Variants in VWF observed in about 807,000 individuals in gnomAD.
VWF encodes Factor VIII related antigen.
VWF carries 176 observed loss-of-function variants against 308.6 expected under a neutral mutation model. That is an observed-to-expected ratio of 0.57 (90% confidence interval 0.50 to 0.65). The LOEUF (loss-of-function observed/expected upper bound fraction) is 0.65. Among genes scored for constraint, VWF ranks in the 30% least tolerant of loss-of-function variants. The pLI is 0.00. For missense variants in VWF, 3,146 were observed against 3,648.2 expected (o/e 0.86, Z 3.55); for synonymous variants, 1,385 against 1,443.4 (o/e 0.96, Z 0.92).
Position 5,985,738 on chromosome 12 carries a change from C to G in VWF, c.6799-73G>C, listed in dbSNP as rs963351811. ...GAAGCCCAGAATTCACAGAGGTCAG[C>G]TCTCCCTGCCTCCGGCAAGGGCCAG... On this transcript the variant is annotated intron_variant, in intron 38 of 51. Coordinates refer to ENST00000261405, the MANE Select transcript of VWF (RefSeq NM_000552.5). 2.8e-6 allele frequency: 4 copies of G among 1,413,626 alleles called. No homozygotes were observed. The African/African-American group carries it at 5.7e-5, about 20-fold the overall frequency. 87.6% of individuals were successfully genotyped at this position (1,413,626 alleles called of 1,614,324 possible).
chr12:6,057,762 T>G, intron 14 of VWF, 87 bp downstream of exon 14: 2 of 1,444,354 alleles, frequency 1.4e-6, no homozygotes, highest in Non-Finnish European at 9.2e-7. Context: ...CCCTCCGCGG[T>G]GGGAGCACTG....
At position 6,057,850 on chromosome 12, in the gene VWF, C is replaced by T; in HGVS notation, c.1728G>A (p.Met576Ile). 1 of 1,606,346 alleles carries T rather than the reference C, an allele frequency of 6.2e-7. No homozygotes were observed. The highest frequency in any genetic ancestry group is 8.5e-7 in the Non-Finnish European group (1 of 1,176,160). ...TGCCTTGCCCCCGGGTTCACATACT[C>T]ATGCGCGGGTTGAGGGCGCAGGGAT... ...HSDPCALNPR[M>I]TRFSEEACAV... The change falls in exon 14 of 52, where the codon ATG becomes ATA. Residue 576 changes from methionine (M) to isoleucine (I), a missense_variant and splice_region_variant. Around this residue, in one of 3 missense-constraint regions of VWF, gnomAD observed 1,304 missense variants for 1,353.0 expected, o/e 0.96. Transcript: ENST00000261405.
intron 4 of VWF, 21 bp downstream of exon 4, chr12:6,110,845 A>T (rs1945300120): frequency 1.9e-6 from 3 of 1,611,140 alleles, no homozygotes; most frequent in Non-Finnish European, 2.5e-6. Context: ...GTCCTTTCTA[A>T]CTCAGACATT....
At chr12:6,035,350 T>C (rs1002899282) in intron 19 of VWF, among the ~76,000 whole-genome samples, 5 of 152,212 alleles carry the variant, frequency 3.3e-5, no homozygotes, top group African/African-American at 1.2e-4. Flanking sequence ...TGTATGTAGC[T>C]ACATGTTAAA....
At chr12:6,047,705 C>T (rs1258338581) in intron 16 of VWF, among the ~76,000 whole-genome samples, 4 of 152,250 alleles carry the variant, frequency 2.6e-5, no homozygotes, top group African/African-American at 9.6e-5. Context: ...AATGATATCA[C>T]ATAGCATGCT....
intron 17 of VWF, among the ~76,000 whole-genome samples, chr12:6,045,285 A>C (rs1944436196): frequency 6.6e-6 from 1 of 152,244 alleles, no homozygotes; most frequent in African/African-American, 2.4e-5. Context: ...TCCTCTGGGC[A>C]AAACAGTCAA....
chr12:6,041,283 A>G (rs1403136674), intron 18 of VWF, among the ~76,000 whole-genome samples: 5 of 151,666 alleles, frequency 3.3e-5, no homozygotes, highest in African/African-American at 1.2e-4. Context: ...TACAAAAATC[A>G]GCTGGGTGTG....
chr12:6,065,190 G>GC lies in VWF; in HGVS notation c.1239dup (p.Leu414AlafsTer15), dbSNP rs770203987. The GC allele has an allele frequency of 1.2e-6, 2 of 1,614,098 alleles. No homozygotes were observed. Among genetic ancestry groups the GC allele is most frequent in the Non-Finnish European group, 1.7e-6 (2 of 1,180,050 alleles). ...GAGTGGTCCTGGCAATCCCGGGCCA[G>GC]CAGGTACTGGCAGATCCCACTGAAG... On this transcript the variant is annotated frameshift_variant, in exon 11 of 52. Transcript: ENST00000261405. LOFTEE classifies it high-confidence loss of function.
intron 19 of VWF, 59 bp downstream of exon 19, chr12:6,036,329 G>A: frequency 1.3e-6 from 2 of 1,517,690 alleles, no homozygotes; most frequent in East Asian, 2.3e-5. Flanking sequence ...GTGGCCGCGT[G>A]CACCCTCACT....
intron 10 of VWF, among the ~76,000 whole-genome samples, chr12:6,067,859 C>T (rs1157944005): frequency 3.9e-5 from 6 of 152,068 alleles, no homozygotes; most frequent in Admixed American, 6.5e-5. Context: ...CAGGCCGGGC[C>T]GTCATGGCTC....
chr12:6,038,134 T>G (rs1199528878), intron 18 of VWF, among the ~76,000 whole-genome samples: 2 of 152,116 alleles, frequency 1.3e-5, no homozygotes, highest in Admixed American at 1.3e-4. Context: ...GGCACCTTGG[T>G]AGGAGCTGGC....
rs1227599775 is a variant in VWF, at chr12:6,075,196, C to T, written c.874+139G>A. ...CCATTCAGGAAATGGGTCCGGGACA[C>T]GTGGCTTTGTAGTCACTGGCTGGCT... On this transcript the variant is annotated intron_variant, in intron 7 of 51. Transcript: ENST00000261405. The surrounding 1 kb of genome is among the most constrained non-coding windows in gnomAD (Gnocchi z 4.7). 11 of 1,080,394 alleles carry T rather than the reference C, an allele frequency of 1.0e-5. No individual in the cohort carries two copies. In the East Asian group the frequency reaches 2.2e-4, roughly 22 times the overall value. 66.9% of individuals were successfully genotyped at this position (1,080,394 alleles called of 1,614,324 possible). A position where few individuals can be genotyped will look rare whatever the true frequency, so the allele number is the denominator to read the frequency against.
intron 5 of VWF, among the ~76,000 whole-genome samples, chr12:6,108,935 C>T (rs574064666): frequency 2.7e-5 from 4 of 148,546 alleles, no homozygotes; most frequent in South Asian, 4.2e-4. Flanking sequence ...GAGCCGAGAT[C>T]GCGCCACTGC....
At position 6,075,433 on chromosome 12, in the gene VWF, C is replaced by G; in HGVS notation, c.776G>C (p.Gly259Ala). ...GGCAGGGCAGGCGCACTCCAGCCCC[C>G]CAGCACACTCACACAAAGTCTTCTC... is the stretch of plus-strand genomic sequence containing the variant. The part of the protein sequence containing the change: ...LCEKTLCECA[G>A]GLECACPALL... Residue 259 changes from glycine (G) to alanine (A), a missense_variant, in exon 7 of 52, where the codon GGG becomes GCG. By Grantham distance (60) the Gly-to-Ala change is moderately conservative. Transcript: ENST00000261405. This position sits in a 1 kb window ranked among gnomAD's most constrained non-coding sequence, Gnocchi z 4.7. The G allele has an allele frequency of 6.2e-7, 1 of 1,614,168 alleles. No individual in the cohort carries two copies. The highest frequency in any genetic ancestry group is 8.5e-7 in the Non-Finnish European group (1 of 1,180,018).
rs1324020518 is a variant in VWF at position 6,124,549 on chromosome 12, T to G, written c.-129A>C. 1 of 152,392 alleles carries G rather than the reference T, an allele frequency of 6.6e-6. No homozygotes were observed. Among genetic ancestry groups the G allele is most frequent in the Non-Finnish European group, 1.5e-5 (1 of 68,180 alleles). 9.4% of individuals were successfully genotyped at this position (152,392 alleles called of 1,614,324 possible). A position where few individuals can be genotyped will look rare whatever the true frequency, so the allele number is the denominator to read the frequency against. On this transcript the variant is annotated 5_prime_UTR_variant, in exon 1 of 52. Transcript: ENST00000261405. ...AAGGCTCAATCAGGTCTGCTACAGC[T>G]CCGGACTGTCTTGCTGTTATGTAGC...
At chr12:6,040,720 C>T (rs957300956) in intron 18 of VWF, among the ~76,000 whole-genome samples, 3 of 152,228 alleles carry the variant, frequency 2.0e-5, no homozygotes, top group Non-Finnish European at 2.9e-5. Flanking sequence ...GGACCCCCAT[C>T]CTCCTCATTC....
At chr12:6,092,642 T>TG (rs1565386775) in intron 6 of VWF, among the ~76,000 whole-genome samples, 2 of 104,782 alleles carry the variant, frequency 1.9e-5, no homozygotes, top group Non-Finnish European at 3.5e-5. Context: ...TGTGTGTGTG[T>TG]GTGTGTGTGT....
rs1943748488 is a variant in VWF at position 5,991,882 on chromosome 12, T to C, written c.6735A>G (p.Glu2245=). 6.2e-7 allele frequency: 1 copy of C among 1,614,226 alleles called. No homozygotes were observed. The highest frequency in any genetic ancestry group is 8.5e-7 in the Non-Finnish European group (1 of 1,180,032). The change falls in exon 38 of 52, where the codon GAA becomes GAG. Residue 2245 remains glutamate, a synonymous_variant. Coordinates refer to ENST00000261405, the MANE Select transcript of VWF (RefSeq NM_000552.5). ...CFCPPDKVML[E]GSCVPEEACT... ...AGGCCTCTTCAGGGACACAGCTGCC[T>C]TCCAACATGACTTTATCTGGAGGGC...
chr12:6,111,405 C>T lies in VWF; in HGVS notation c.221-437G>A, dbSNP rs559195528. 1.4e-3 allele frequency among the ~76,000 whole-genome samples: 206 copies of T among 152,290 alleles called. 1 individual carries two copies. The highest frequency in any genetic ancestry group is 4.7e-3 in the African/African-American group (196 of 41,564). On this transcript the variant is annotated intron_variant, in intron 3 of 51. Coordinates refer to ENST00000261405, the MANE Select transcript of VWF (RefSeq NM_000552.5). ...ATTCACTTATTGAGACAGGGTTGTG[C>T]TCTGTTGCCCAGGTTGGGGTGCAGT...
Sources: allele counts gnomAD v4.1 joint callset (sites outside exome capture counted in the v4.1 genomes callset), GRCh38; gene constraint gnomAD v4.1.1; regional missense constraint gnomAD v4.1.1; non-coding constraint Gnocchi (gnomAD v3.1); transcripts MANE v1.5; gene names NCBI Gene and HGNC (gene_info 2026-07-23, HGNC 2026-07-21).